The following AIRIM variants were observed in gnomAD, a reference collection of about 807,000 sequenced individuals.
AIRIM encodes the protein AFG2 interacting ribosome maturation factor.
the AIRIM span, chr1:37,683,032 C>T: frequency 7.4e-7 from 1 of 1,352,762 alleles, no homozygotes; most frequent in Non-Finnish European, 1.1e-6. Context: ...ATATGTCAGA[C>T]TGAAATACTG....
At chr1:37,681,937 G>C in the AIRIM span, 2 of 152,164 alleles carry the variant, frequency 1.3e-5, no homozygotes, top group Admixed American at 6.5e-5. Flanking sequence ...AAAAAAATTT[G>C]TGAATTGGTC....
chr1:37,688,857 T>C, the AIRIM span, among the ~76,000 whole-genome samples: 7 of 151,494 alleles, frequency 4.6e-5, no homozygotes, highest in Non-Finnish European at 8.8e-5. Context: ...TCCCAGGTAC[T>C]TGGGGGGCTG....
the AIRIM span, chr1:37,683,673 T>C: frequency 9.2e-6 from 4 of 435,800 alleles, no homozygotes; most frequent in East Asian, 1.6e-4. Flanking sequence ...GATCTCAGCA[T>C]GGTGAGGACA....
chr1:37,688,882 C>A, the AIRIM span, among the ~76,000 whole-genome samples: 2 of 149,522 alleles, frequency 1.3e-5, no homozygotes, highest in Non-Finnish European at 2.9e-5. Context: ...GGGAGGATCG[C>A]TTGAACCAGG....
chr1:37,683,121 CCTTA>C, the AIRIM span: 1 of 1,612,798 alleles, frequency 6.2e-7, no homozygotes, highest in East Asian at 2.2e-5. Context: ...CGCATAGCTT[CCTTA>C]CTCTTCCAGG....
chr1:37,686,173 G>A, the AIRIM span: 1 of 1,167,944 alleles, frequency 8.6e-7, no homozygotes, highest in African/African-American at 1.6e-5. Context: ...GAACCAAAGA[G>A]AACTGACTCA....
At chr1:37,686,196 T>C in the AIRIM span, 1 of 1,388,334 alleles carries the variant, frequency 7.2e-7, no homozygotes, top group Non-Finnish European at 9.6e-7. Context: ...CTACTTAGTT[T>C]TCCAATCTTG....
the AIRIM span, among the ~76,000 whole-genome samples, chr1:37,684,873 A>G: frequency 1.2e-4 from 18 of 152,220 alleles, no homozygotes; most frequent in African/African-American, 3.9e-4. Flanking sequence ...AAGAATTGAG[A>G]GAAGACCAGG....
the AIRIM span, among the ~76,000 whole-genome samples, chr1:37,688,999 G>C: frequency 6.6e-6 from 1 of 151,014 alleles, no homozygotes; most frequent in Non-Finnish European, 1.5e-5. Context: ...TGTAACGCAG[G>C]CACTGGGTCT....
At chr1:37,691,435 A>C in the AIRIM span, 1 of 152,808 alleles carries the variant, frequency 6.5e-6, no homozygotes, top group East Asian at 1.9e-4. Context: ...AAAAGCACCA[A>C]ATCCAAACAA....
chr1:37,685,753 T>G, the AIRIM span, among the ~76,000 whole-genome samples: 1 of 152,174 alleles, frequency 6.6e-6, no homozygotes, highest in Non-Finnish European at 1.5e-5. Context: ...TACCCTCACC[T>G]GCTGTTAGGC....
At chr1:37,689,938 G>C in the AIRIM span, 1 of 1,491,736 alleles carries the variant, frequency 6.7e-7, no homozygotes, top group Non-Finnish European at 8.9e-7. Flanking sequence ...AAGTCAGTCG[G>C]GGAGGCACTG....
At chr1:37,686,279 C>T in the AIRIM span, 10 of 1,612,492 alleles carry the variant, frequency 6.2e-6, no homozygotes, top group Non-Finnish European at 8.5e-6. Flanking sequence ...ATACGACTTT[C>T]GATAATGTCT....
the AIRIM span, chr1:37,686,415 G>A: frequency 6.2e-7 from 1 of 1,614,052 alleles, no homozygotes. Flanking sequence ...CGCTCCACAT[G>A]GCTGCTGACC....
chr1:37,682,923 C>T, the AIRIM span: 2 of 597,936 alleles, frequency 3.3e-6, no homozygotes, highest in Non-Finnish European at 6.0e-6. Context: ...CTCACATACT[C>T]TCAGCCACGG....
chr1:37,685,215 G>A, the AIRIM span, among the ~76,000 whole-genome samples: 1 of 140,852 alleles, frequency 7.1e-6, no homozygotes. Context: ...TGGGCGGGGG[G>A]TGGTTTGAGA....
At chr1:37,689,762 G>A in the AIRIM span, 4 of 1,613,578 alleles carry the variant, frequency 2.5e-6, no homozygotes, top group Non-Finnish European at 2.5e-6. Context: ...GCTGAGGGAG[G>A]ACAGGAGGGG....
chr1:37,684,423 A>G, the AIRIM span, among the ~76,000 whole-genome samples: 8 of 152,276 alleles, frequency 5.3e-5, no homozygotes, highest in Admixed American at 6.5e-5. Context: ...GTTTCAGATC[A>G]GCCTAGCCAA....
the AIRIM span, among the ~76,000 whole-genome samples, chr1:37,687,690 C>T: frequency 7.2e-5 from 11 of 151,900 alleles, no homozygotes; most frequent in Admixed American, 1.3e-4. Flanking sequence ...ATGATCATAC[C>T]GCTGCACTTC....
Sources: gnomAD v4.1 joint callset for allele counts (sites outside exome capture counted in the v4.1 genomes callset) on GRCh38, gnomAD v4.1.1 for gene constraint, MANE v1.5 for transcripts, NCBI Gene and HGNC (gene_info 2026-07-23, HGNC 2026-07-21) for gene names.